The following SGCE variants were observed in gnomAD, a reference collection of about 807,000 sequenced individuals.
SGCE encodes sarcoglycan epsilon.
Under a neutral mutation model 57.8 loss-of-function variants are expected in SGCE, and 26 were observed. The observed-to-expected ratio is 0.45, with a 90% CI of 0.33 to 0.62. The LOEUF (loss-of-function observed/expected upper bound fraction) is 0.62. Ranked by LOEUF, SGCE falls within the 20% of genes least tolerant of loss-of-function variation. SGCE has a pLI of 0.02. For synonymous variants in SGCE, 183 were observed against 189.5 expected, an observed-to-expected ratio of 0.97 and a Z score of 0.28; for missense variants, 468 against 548.6, an observed-to-expected ratio of 0.85 and a Z score of 1.47.
At chr7:94,634,597 G>A (rs1190179213) in intron 1 of SGCE, among the ~76,000 whole-genome samples, 1 of 152,160 alleles carries the variant, frequency 6.6e-6, no homozygotes, top group African/African-American at 2.4e-5. Flanking sequence ...ACTACCAAAT[G>A]AGGCAGGGTT....
At chr7:94,638,105 G>A (rs183836756) in intron 1 of SGCE, among the ~76,000 whole-genome samples, 2 of 152,322 alleles carry the variant, frequency 1.3e-5, no homozygotes, top group African/African-American at 2.4e-5. Flanking sequence ...TAAAGAGAAT[G>A]TGGGGAAAAG....
chr7:94,588,438 C>T, intron 10 of SGCE: 1 of 1,291,534 alleles, frequency 7.7e-7, no homozygotes, highest in South Asian at 1.8e-5. Flanking sequence ...TTCATTCAGT[C>T]TTCCTTAATT....
intron 9 of SGCE, chr7:94,590,040 C>T (rs948865608): frequency 6.6e-6 from 1 of 152,038 alleles, no homozygotes; most frequent in South Asian, 2.1e-4. Context: ...TATCTATCTG[C>T]AGATTAAATT....
intron 1 of SGCE, chr7:94,644,618 C>G: frequency 7.8e-7 from 1 of 1,281,622 alleles, no homozygotes; most frequent in South Asian, 1.2e-5. Context: ...TAAAAGCAAA[C>G]TGTCAAGTCT....
intron 8 of SGCE, 31 bp downstream of exon 8, chr7:94,599,666 T>C (rs901706102): frequency 1.2e-6 from 2 of 1,600,360 alleles, no homozygotes; most frequent in Middle Eastern, 1.7e-4. Flanking sequence ...GAAAAAATGA[T>C]GAAGAAAATA....
intron 2 of SGCE, 167 bp downstream of exon 2, chr7:94,629,552 T>G (rs1804338378): frequency 1.5e-6 from 1 of 657,938 alleles, no homozygotes; most frequent in Non-Finnish European, 2.6e-6. Flanking sequence ...TTTTTGTCTG[T>G]AATTAAATTT....
chr7:94,633,624 A>C (rs956561300), intron 1 of SGCE, among the ~76,000 whole-genome samples: 1 of 151,078 alleles, frequency 6.6e-6, no homozygotes, highest in African/African-American at 2.4e-5. Context: ...AAGCAGTAGC[A>C]AAAAAAAAGG....
rs983797809 is a variant in SGCE, at chr7:94,639,468, T to C, written c.110-9627A>G. ...AAAAAGCTTTTCAGAATAAAACAAA[T>C]GTACAAAAAAATGAAATTAATGTCA... On this transcript the variant is annotated intron_variant, in intron 1 of 10. Coordinates refer to ENST00000648936, the MANE Select transcript of SGCE (RefSeq NM_003919.3). 2.0e-5 allele frequency: 28 copies of C among 1,407,266 alleles called. 1 individual carries two copies. Among genetic ancestry groups the C allele is most frequent in the African/African-American group, 5.7e-5 (4 of 69,916 alleles). 87.2% of individuals were successfully genotyped at this position (1,407,266 alleles called of 1,614,324 possible).
At chr7:94,589,071 G>A (rs1298068228) in intron 9 of SGCE, 2 of 341,556 alleles carry the variant, frequency 5.9e-6, no homozygotes, top group Admixed American at 7.9e-5. Flanking sequence ...GACATGGTAG[G>A]TAAAGATGTG....
intron 2 of SGCE, chr7:94,629,452 T>C (rs1025570351): frequency 5.7e-6 from 2 of 350,910 alleles, no homozygotes; most frequent in Non-Finnish European, 1.1e-5. Context: ...ATTATTTCCA[T>C]GTGAATATAG....
intron 1 of SGCE, among the ~76,000 whole-genome samples, chr7:94,631,460 G>A (rs1804712368): frequency 6.6e-6 from 1 of 151,872 alleles, no homozygotes; most frequent in Non-Finnish European, 1.5e-5. Flanking sequence ...AGGTAAAACT[G>A]CTTTGGCAAC....
chr7:94,629,982 G>T, intron 1 of SGCE, 141 bp from the exon 2 acceptor site: 1 of 893,580 alleles, frequency 1.1e-6, no homozygotes, highest in Non-Finnish European at 1.7e-6. Flanking sequence ...CAAGGAAACT[G>T]TTAATAACAA....
chr7:94,649,667 C>A (rs1369560630), intron 1 of SGCE, among the ~76,000 whole-genome samples: 1 of 152,118 alleles, frequency 6.6e-6, no homozygotes, highest in Non-Finnish European at 1.5e-5. Flanking sequence ...GTGCATGGGG[C>A]CCTTCTATGA....
chr7:94,653,402 C>G (rs1011642867), intron 1 of SGCE, among the ~76,000 whole-genome samples: 1 of 152,066 alleles, frequency 6.6e-6, no homozygotes. Flanking sequence ...AAATAATACA[C>G]ATTAACTCCT....
intron 5 of SGCE, among the ~76,000 whole-genome samples, chr7:94,604,839 ATATATATATATATATATAT>A (rs1799832651): frequency 2.7e-5 from 2 of 73,716 alleles, no homozygotes; most frequent in African/African-American, 4.3e-5. Flanking sequence ...ATATATATAT[ATATATATATATATATATAT>A]AATAGTTGTT....
intron 10 of SGCE, among the ~76,000 whole-genome samples, chr7:94,585,984 T>G (rs1194438696): frequency 7.4e-6 from 1 of 135,518 alleles, no homozygotes; most frequent in Non-Finnish European, 1.5e-5. Flanking sequence ...AGTGCTCAAG[T>G]CCAGGAACAC....
At chr7:94,607,867 G>A (rs775665902) in intron 5 of SGCE, among the ~76,000 whole-genome samples, 1 of 152,126 alleles carries the variant, frequency 6.6e-6, no homozygotes, top group Non-Finnish European at 1.5e-5. Flanking sequence ...TGATTCAAAA[G>A]AATTGATTAA....
chr7:94,599,191 A>G, intron 8 of SGCE: 1 of 482,698 alleles, frequency 2.1e-6, no homozygotes, highest in South Asian at 2.9e-5. Context: ...GTTTTATTAA[A>G]CTAAGCTATG....
intron 9 of SGCE, 100 bp from the exon 10 acceptor site, chr7:94,588,832 C>A: frequency 1.5e-6 from 2 of 1,332,962 alleles, no homozygotes; most frequent in South Asian, 2.4e-5. Context: ...TAAACTATGA[C>A]CCCAGTCATG....
Sources: allele counts gnomAD v4.1 joint callset (sites outside exome capture counted in the v4.1 genomes callset), GRCh38; gene constraint gnomAD v4.1.1; transcripts MANE v1.5; gene names NCBI Gene and HGNC (gene_info 2026-07-23, HGNC 2026-07-21).